The following DDAH1 variants were observed in gnomAD, a reference collection of about 807,000 sequenced individuals.
The protein encoded by DDAH1 is N(G),N(G)-dimethylarginine dimethylaminohydrolase 1.
Under a neutral mutation model 28.8 loss-of-function variants are expected in DDAH1, and 19 were observed. That is an observed-to-expected ratio of 0.66 (90% confidence interval 0.46 to 0.97). The LOEUF is 0.97. Ranked by LOEUF, DDAH1 falls within the 50% of genes least tolerant of loss-of-function variation. DDAH1 has a pLI of 0.00. For synonymous variants in DDAH1, 153 were observed against 154.4 expected (o/e 0.99, Z 0.07); for missense variants, 326 against 375.9 (o/e 0.87, Z 1.10).
chr1:85,394,507 A>T (rs1394383249), intron 1 of DDAH1, among the ~76,000 whole-genome samples: 1 of 152,226 alleles, frequency 6.6e-6, no homozygotes, highest in Non-Finnish European at 1.5e-5. Context: ...TAAGAGACTA[A>T]CTCAAATACC....
chr1:85,334,465 A>C (rs1647983724), intron 4 of DDAH1, among the ~76,000 whole-genome samples: 1 of 152,234 alleles, frequency 6.6e-6, no homozygotes, highest in African/African-American at 2.4e-5. Flanking sequence ...CTCATGTTGA[A>C]TTGTAATTCC....
At chr1:85,406,135 T>C (rs543747310) in intron 1 of DDAH1, among the ~76,000 whole-genome samples, 4 of 152,198 alleles carry the variant, frequency 2.6e-5, no homozygotes, top group African/African-American at 4.8e-5. Flanking sequence ...TGAGGAGTAA[T>C]TTGTTCAAGG....
At chr1:85,355,731 A>G (rs1469237099) in intron 2 of DDAH1, among the ~76,000 whole-genome samples, 1 of 152,186 alleles carries the variant, frequency 6.6e-6, no homozygotes, top group Non-Finnish European at 1.5e-5. Context: ...TAATCCACAA[A>G]AACTGGAAAA....
intron 1 of DDAH1, among the ~76,000 whole-genome samples, chr1:85,508,424 C>T (rs140668940): frequency 2.7e-4 from 41 of 152,290 alleles, no homozygotes; most frequent in African/African-American, 8.9e-4. Context: ...GGGTGATTTC[C>T]GCATTTCCAA....
At chr1:85,377,158 C>A (rs1465056529) in intron 1 of DDAH1, among the ~76,000 whole-genome samples, 1 of 152,056 alleles carries the variant, frequency 6.6e-6, no homozygotes, top group African/African-American at 2.4e-5. Context: ...CATGACTCTC[C>A]CCTGCCACAG....
chr1:85,576,964 G>GCCGCCACCGCCACCGCCA (rs71075845), intron 1 of DDAH1: 24 of 153,662 alleles, frequency 1.6e-4, no homozygotes, highest in African/African-American at 5.3e-4. Flanking sequence ...AGCCGCCGCC[G>GCCGCCACCGCCACCGCCA]CCGCCACCGC....
chr1:85,386,984 G>C (rs1380547703), intron 1 of DDAH1, among the ~76,000 whole-genome samples: 2 of 152,188 alleles, frequency 1.3e-5, no homozygotes, highest in Non-Finnish European at 1.5e-5. Flanking sequence ...CAGGGACTGG[G>C]GGGTAGTGTC....
At chr1:85,342,481 T>A (rs12717763) in intron 4 of DDAH1, among the ~76,000 whole-genome samples, 23,069 of 151,878 alleles carry the variant, frequency 0.15, 2,136 homozygotes, top group Admixed American at 0.21. Flanking sequence ...ATAACATTAG[T>A]GATTTTGGTA....
At chr1:85,340,660 C>T (rs1008317173) in intron 4 of DDAH1, among the ~76,000 whole-genome samples, 3 of 152,116 alleles carry the variant, frequency 2.0e-5, no homozygotes, top group Non-Finnish European at 1.5e-5. Context: ...ATGGCATCAG[C>T]TAGTTTTATT....
intron 4 of DDAH1, among the ~76,000 whole-genome samples, chr1:85,347,967 T>TGACA (rs1029054943): frequency 6.6e-6 from 1 of 152,148 alleles, no homozygotes; most frequent in African/African-American, 2.4e-5. Flanking sequence ...CAAGGTAACA[T>TGACA]GACATTTTTG....
chr1:85,406,545 T>A (rs1287721278), intron 1 of DDAH1, among the ~76,000 whole-genome samples: 1 of 152,118 alleles, frequency 6.6e-6, no homozygotes, highest in Non-Finnish European at 1.5e-5. Flanking sequence ...GAAGGATACA[T>A]ATAGAATATA....
intron 1 of DDAH1, among the ~76,000 whole-genome samples, chr1:85,459,138 T>C (rs954092723): frequency 9.2e-5 from 14 of 152,252 alleles, no homozygotes; most frequent in Non-Finnish European, 1.8e-4. Context: ...TTTTCTGTTT[T>C]TGTGGTTTAT....
chr1:85,578,043 A>G lies in DDAH1; in HGVS notation c.-182T>C, dbSNP rs1275554780. On this transcript the variant is annotated 5_prime_UTR_variant, in exon 1 of 7. Transcript: ENST00000426972. ...CAACTTGGACTGATCTGCGGCTCCC[A>G]GCGGAGGCGGCGAGAAGGCGACGGG... 5 of 985,224 alleles carry G rather than the reference A, an allele frequency of 5.1e-6. No individual in the cohort carries two copies. In the Admixed American group the frequency reaches 1.8e-4, roughly 36 times the overall value. 61.0% of individuals were successfully genotyped at this position (985,224 alleles called of 1,614,324 possible).
In DDAH1 at chr1:85,321,164, C is replaced by T. The variant is rs896481291; in HGVS notation, c.*288G>A. On this transcript the variant is annotated 3_prime_UTR_variant, in exon 6 of 6. Transcript: ENST00000284031. ...ATAATTTTCACACCAAAAATACAGA[C>T]ACTAAATGAGTGTTTCCTTACTGGG... The T allele has an allele frequency of 8.0e-6, 2 of 249,630 alleles. No homozygotes were observed. The highest frequency in any genetic ancestry group is 1.5e-5 in the Non-Finnish European group (2 of 130,676). The allele number at this position is 249,630 out of a possible 1,614,324, so 15.5% of individuals were successfully genotyped here.
chr1:85,345,504 T>C (rs2100831570), intron 4 of DDAH1, among the ~76,000 whole-genome samples: 1 of 152,320 alleles, frequency 6.6e-6, no homozygotes, highest in East Asian at 1.9e-4. Context: ...ACCTAACTTC[T>C]AGTACCTTTG....
intron 1 of DDAH1, among the ~76,000 whole-genome samples, chr1:85,442,687 C>T (rs1479654100): frequency 1.3e-5 from 2 of 152,102 alleles, no homozygotes; most frequent in East Asian, 1.9e-4. Context: ...CTCTCCAGCA[C>T]CTGTTGTTTC....
rs1333938209 is a variant in DDAH1 at position 85,474,912 on chromosome 1, C to A, written c.-7+21254G>T. ...GGAGGGTTCATGGTCAGGGTTTGAA[C>A]CCTGGCTTTGTCACAGCTGTGTGAT... On this transcript the variant is annotated intron_variant, in intron 2 of 6. Transcript: ENST00000426972. Among the ~76,000 whole-genome samples the A allele has an allele frequency of 2.0e-5, 3 of 152,108 alleles. 1 individual carries two copies. Among genetic ancestry groups the A allele is most frequent in the African/African-American group, 7.2e-5 (3 of 41,426 alleles).
chr1:85,402,043 T>C (rs146564169), intron 1 of DDAH1, among the ~76,000 whole-genome samples: 4 of 152,276 alleles, frequency 2.6e-5, no homozygotes, highest in African/African-American at 9.6e-5. Flanking sequence ...TAGAGTGCAG[T>C]GCTGCAATCA....
intron 1 of DDAH1, among the ~76,000 whole-genome samples, chr1:85,461,943 G>A (rs571326899): frequency 1.9e-3 from 287 of 152,272 alleles, no homozygotes; most frequent in Middle Eastern, 6.8e-3. Flanking sequence ...TGGTTTTACA[G>A]GTTACACTCT....
Sources: gnomAD v4.1 joint callset for allele counts (sites outside exome capture counted in the v4.1 genomes callset) on GRCh38, gnomAD v4.1.1 for gene constraint, MANE v1.5 for transcripts, NCBI Gene and HGNC (gene_info 2026-07-23, HGNC 2026-07-21) for gene names.